FABP6: variants seen among roughly 807,000 people sequenced by gnomAD.
FABP6 encodes the protein gastrotropin.
In FABP6, 13 loss-of-function variants were observed where a neutral mutation model predicts 14.9. The observed-to-expected ratio is 0.87, with a 90% CI of 0.57 to 1.39. The LOEUF is 1.39. Among genes scored for constraint, FABP6 ranks in the 40% most tolerant of loss-of-function variants. The pLI is 0.00. For missense variants in FABP6, 161 were observed against 167.2 expected, an observed-to-expected ratio of 0.96 and a Z score of 0.20; for synonymous variants, 75 against 63.6, an observed-to-expected ratio of 1.18 and a Z score of -0.85.
At chr5:160,233,993 C>A (rs563793792) in intron 2 of FABP6, among the ~76,000 whole-genome samples, 1 of 152,124 alleles carries the variant, frequency 6.6e-6, no homozygotes, top group Admixed American at 6.6e-5. Context: ...CTATTTGCCT[C>A]TATCATTAGG....
rs189728547 is a variant in FABP6 at position 160,215,240 on chromosome 5, G to A, written c.135+1421G>A. ...CATTAAAAGTGATGGTGGGCTAGGC[G>A]CAGTGGCTCACACCTGTAATCCCGG... On this transcript the variant is annotated intron_variant, in intron 3 of 6. Coordinates refer to the FABP6 transcript ENST00000393980. 1.9e-4 allele frequency among the ~76,000 whole-genome samples: 29 copies of A among 152,314 alleles called. No individual in the cohort carries two copies. The East Asian group carries it at 2.7e-3, about 14-fold the overall frequency.
At chr5:160,204,532 C>T (rs906783573) in intron 2 of FABP6, among the ~76,000 whole-genome samples, 4 of 151,900 alleles carry the variant, frequency 2.6e-5, no homozygotes, top group Non-Finnish European at 2.9e-5. Context: ...TCTTGTCATC[C>T]GGGCTGGAGT....
intron 2 of FABP6, 106 bp downstream of exon 2, chr5:160,232,379 G>T: frequency 8.1e-7 from 1 of 1,237,758 alleles, no homozygotes; most frequent in Non-Finnish European, 1.1e-6. Context: ...TCTCCAGTTT[G>T]GCCTCCAGCA....
At chr5:160,216,037 G>A (rs1760005801) in intron 3 of FABP6, among the ~76,000 whole-genome samples, 1 of 152,172 alleles carries the variant, frequency 6.6e-6, no homozygotes, top group South Asian at 2.1e-4. Context: ...AGGACATTGA[G>A]GGTCCTGGCA....
intron 3 of FABP6, 106 bp from the exon 4 acceptor site, chr5:160,238,500 C>G (rs577551524): frequency 1.6e-5 from 15 of 946,200 alleles, no homozygotes; most frequent in Middle Eastern, 2.5e-4. Flanking sequence ...GCGCCTGACT[C>G]TTATCTACTC....
chr5:160,220,051 G>T (rs1760099070), intron 3 of FABP6, among the ~76,000 whole-genome samples: 1 of 152,140 alleles, frequency 6.6e-6, no homozygotes, highest in African/African-American at 2.4e-5. Context: ...AAGGAAAAAT[G>T]AAATGCAGCT....
chr5:160,204,498 G>C (rs112288338), intron 2 of FABP6, among the ~76,000 whole-genome samples: 2,173 of 150,976 alleles, frequency 0.014, 55 homozygotes, highest in African/African-American at 0.049. Context: ...TCCTTTTTTA[G>C]GGGGGGTGGG....
intron 2 of FABP6, among the ~76,000 whole-genome samples, chr5:160,200,702 C>T (rs147757903): frequency 6.6e-6 from 1 of 152,316 alleles, no homozygotes; most frequent in African/African-American, 2.4e-5. Flanking sequence ...GCGTGAGCCA[C>T]CGCACCCGGC....
intron 3 of FABP6, among the ~76,000 whole-genome samples, chr5:160,219,911 A>G (rs187861581): frequency 6.6e-6 from 1 of 152,148 alleles, no homozygotes; most frequent in African/African-American, 2.4e-5. Flanking sequence ...AGGGATTTCT[A>G]TTTTTCACAA....
chr5:160,193,895 G>C (rs554868375), intron 1 of FABP6, among the ~76,000 whole-genome samples: 2 of 151,728 alleles, frequency 1.3e-5, no homozygotes, highest in African/African-American at 4.8e-5. Flanking sequence ...CCATGCGCTC[G>C]CACTCCTCAG....
intron 2 of FABP6, 109 bp downstream of exon 2, chr5:160,232,382 C>T: frequency 2.5e-6 from 3 of 1,207,508 alleles, no homozygotes; most frequent in South Asian, 1.7e-5. Flanking sequence ...CCAGTTTGGC[C>T]TCCAGCATTA....
intron 3 of FABP6, among the ~76,000 whole-genome samples, chr5:160,217,408 G>T (rs1464863850): frequency 6.6e-6 from 1 of 152,096 alleles, no homozygotes; most frequent in South Asian, 2.1e-4. Flanking sequence ...CAAGAAGAAG[G>T]GCTGAATGCT....
In FABP6 at chr5:160,193,192, T is replaced by C. The variant is rs538640877; in HGVS notation, c.-59+5738T>C. On this transcript the variant is annotated intron_variant, in intron 1 of 6. Transcript: ENST00000393980. ...TGTGTTCAGAGTTTCTTCCTTCTGGTGGGTTCGTGGTCTCGCTGGCTCAGG... is the reference window on the plus strand; with the variant it reads ...TGTGTTCAGAGTTTCTTCCTTCTGGCGGGTTCGTGGTCTCGCTGGCTCAGG... Among the ~76,000 whole-genome samples, 3 of 152,218 alleles carry C rather than the reference T, an allele frequency of 2.0e-5. No individual in the cohort carries two copies. The East Asian group carries it at 5.8e-4, about 29-fold the overall frequency.
intron 2 of FABP6, among the ~76,000 whole-genome samples, chr5:160,202,453 C>T (rs1257478625): frequency 6.6e-6 from 1 of 152,274 alleles, no homozygotes; most frequent in East Asian, 1.9e-4. Flanking sequence ...ACCTACTCCC[C>T]CACTTCACCA....
At chr5:160,234,933 G>C in intron 3 of FABP6, 24 bp downstream of exon 3, 1 of 1,598,220 alleles carries the variant, frequency 6.3e-7, no homozygotes, top group Non-Finnish European at 8.6e-7. Context: ...TGATTCCTGG[G>C]ATGATTATTG....
intron 3 of FABP6, among the ~76,000 whole-genome samples, chr5:160,223,224 T>G (rs1452510774): frequency 6.6e-6 from 1 of 152,290 alleles, no homozygotes; most frequent in Middle Eastern, 3.4e-3. Flanking sequence ...ATTCAAGCTT[T>G]GTTATTATTT....
chr5:160,194,969 A>T (rs1759481179), intron 1 of FABP6, among the ~76,000 whole-genome samples: 1 of 152,218 alleles, frequency 6.6e-6, no homozygotes, highest in African/African-American at 2.4e-5. Flanking sequence ...CAGACAGAGT[A>T]TTTCCTGGGA....
At chr5:160,188,017 G>A (rs935690159) in intron 1 of FABP6, among the ~76,000 whole-genome samples, 3 of 151,898 alleles carry the variant, frequency 2.0e-5, no homozygotes, top group Non-Finnish European at 4.4e-5. Flanking sequence ...CTCCCAAAGT[G>A]TTGAGATTAC....
chr5:160,216,270 A>ATTTT (rs59582403), intron 3 of FABP6, among the ~76,000 whole-genome samples: 1 of 144,416 alleles, frequency 6.9e-6, no homozygotes. Flanking sequence ...TCTCATTGTA[A>ATTTT]TTTTTTTTTT....
Sources: gnomAD v4.1 joint callset for allele counts (sites outside exome capture counted in the v4.1 genomes callset) on GRCh38, gnomAD v4.1.1 for gene constraint, MANE v1.5 for transcripts, NCBI Gene and HGNC (gene_info 2026-07-23, HGNC 2026-07-21) for gene names.